Variants in DST observed in about 807,000 individuals in gnomAD.
DST encodes the protein dystonin, also known as bullous pemphigoid antigen.
DST carries 253 observed loss-of-function variants against 875.2 expected under a neutral mutation model. That is an observed-to-expected ratio of 0.29 (90% CI 0.26 to 0.32). DST has a LOEUF of 0.32. Among genes scored for constraint, DST ranks in the 10% least tolerant of loss-of-function variants. The pLI is 1.00. For synonymous variants in DST, 3,124 were observed against 3,197.1 expected, an observed-to-expected ratio of 0.98 and a Z score of 0.77; for missense variants, 8,287 against 9,111.6, an observed-to-expected ratio of 0.91 and a Z score of 3.68.
rs1373103013 is a variant in DST, at chr6:56,529,617, C to G, written c.17426G>C (p.Ser5809Thr). The G allele has an allele frequency of 6.2e-7, 1 of 1,613,672 alleles. No homozygotes were observed. Among genetic ancestry groups the G allele is most frequent in the Non-Finnish European group, 8.5e-7 (1 of 1,179,788 alleles). ...CTGGAGGAGCTCAGACCTGCTGTGA[C>G]TTTTCTCTTGAATCTCAATGTACCA... The part of the protein sequence containing the change: ...QVWYIEIQEK[S>T]HSRSELLQQA... The change falls in exon 66 of 104, where the codon AGT (serine) becomes ACT (threonine). Residue 5809 changes from serine to threonine, a missense_variant. By Grantham distance (58) the Ser-to-Thr change is moderately conservative. Coordinates refer to ENST00000680361, the MANE Select transcript of DST (RefSeq NM_001374736.1).
chr6:56,466,353 T>C (rs2094575453), intron 98 of DST, 158 bp from the exon 99 acceptor site: 3 of 452,542 alleles, frequency 6.6e-6, no homozygotes, highest in Non-Finnish European at 1.2e-5. Flanking sequence ...TAATGATTTG[T>C]GTTAGACGGC....
At chr6:56,465,876 A>G (rs2094556473) in intron 99 of DST, among the ~76,000 whole-genome samples, 1 of 151,684 alleles carries the variant, frequency 6.6e-6, no homozygotes, top group East Asian at 1.9e-4. Context: ...GTAAAAAAAA[A>G]AAAAAAAAAG....
At chr6:56,649,986 C>T (rs748637924) in intron 12 of DST, among the ~76,000 whole-genome samples, 36 of 152,086 alleles carry the variant, frequency 2.4e-4, no homozygotes, top group Non-Finnish European at 1.8e-4. Flanking sequence ...CATTCTGAAG[C>T]AACGCTCAAC....
chr6:56,620,835 A>C (rs2098684577), intron 36 of DST: 6 of 875,540 alleles, frequency 6.9e-6, no homozygotes, highest in Admixed American at 5.7e-5. Context: ...AACAAGCGCT[A>C]TCACCACCAC....
chr6:56,523,554 G>T (rs942935638), intron 69 of DST, among the ~76,000 whole-genome samples: 1 of 152,040 alleles, frequency 6.6e-6, no homozygotes, highest in African/African-American at 2.4e-5. Context: ...ATTGTGGCTT[G>T]ACAGTTCACA....
chr6:56,570,050 AAAG>A (rs1458594493), intron 53 of DST, 38 bp from the exon 54 acceptor site: 3 of 1,374,742 alleles, frequency 2.2e-6, no homozygotes, highest in Middle Eastern at 2.2e-4. Flanking sequence ...TAAGTCACAG[AAAG>A]AAGAATAAAT....
intron 9 of DST, chr6:56,692,937 C>A (rs1160691569): frequency 1.6e-6 from 2 of 1,289,770 alleles, no homozygotes; most frequent in East Asian, 1.1e-4. Context: ...AAGGAGCTGG[C>A]TGTTCTTTTG....
chr6:56,619,999 T>A, intron 36 of DST: 1 of 1,614,144 alleles, frequency 6.2e-7, no homozygotes, highest in Non-Finnish European at 8.5e-7. Flanking sequence ...CTGCCCTGCA[T>A]GATGTAGCCT....
At chr6:56,584,007 A>T (rs1436148443) in intron 49 of DST, among the ~76,000 whole-genome samples, 5 of 152,242 alleles carry the variant, frequency 3.3e-5, no homozygotes, top group East Asian at 1.9e-4. Context: ...CTTGTAGTAT[A>T]GTTTGAAGTC....
At chr6:56,634,763 A>G in intron 25 of DST, 38 bp downstream of exon 25, 4 of 1,609,444 alleles carry the variant, frequency 2.5e-6, no homozygotes, top group Non-Finnish European at 3.4e-6. Context: ...TATATGAATA[A>G]TGACAGAAAC....
intron 4 of DST, among the ~76,000 whole-genome samples, chr6:56,823,049 T>C (rs2099774978): frequency 6.6e-6 from 1 of 152,098 alleles, no homozygotes. Context: ...GCCAGGCTGG[T>C]GTCCAACTCC....
At chr6:56,887,114 C>T (rs933016029) in intron 3 of DST, among the ~76,000 whole-genome samples, 3 of 152,196 alleles carry the variant, frequency 2.0e-5, no homozygotes, top group East Asian at 3.8e-4. Flanking sequence ...GTACAATTAA[C>T]TTGCTGCTAA....
At chr6:56,484,532 GAAGA>G (rs1413884050) in intron 88 of DST, 6 of 152,084 alleles carry the variant, frequency 3.9e-5, no homozygotes, top group African/African-American at 1.4e-4. Flanking sequence ...ATACTAGAGA[GAAGA>G]AATACAAGAT....
chr6:56,779,167 C>T (rs1276877171), intron 4 of DST, among the ~76,000 whole-genome samples: 1 of 152,056 alleles, frequency 6.6e-6, no homozygotes, highest in African/African-American at 2.4e-5. Flanking sequence ...TGTCTTTTGG[C>T]TGCATAAACG....
intron 4 of DST, among the ~76,000 whole-genome samples, chr6:56,804,230 T>A (rs1225238046): frequency 1.3e-5 from 2 of 152,116 alleles, no homozygotes; most frequent in Admixed American, 1.3e-4. Flanking sequence ...ATCAGAGAGA[T>A]CATCTGTGAC....
chr6:56,820,870 G>A (rs2153046685), intron 4 of DST, among the ~76,000 whole-genome samples: 2 of 152,034 alleles, frequency 1.3e-5, no homozygotes, highest in Middle Eastern at 6.8e-3. Context: ...ACGTTGCTGT[G>A]TATACAAACT....
intron 10 of DST, among the ~76,000 whole-genome samples, chr6:56,662,243 G>A (rs1160884178): frequency 1.3e-5 from 2 of 152,108 alleles, no homozygotes; most frequent in Non-Finnish European, 2.9e-5. Context: ...TCAGAAGTAC[G>A]TCTCAAAATT....
intron 101 of DST, 150 bp from the exon 102 acceptor site, chr6:56,463,306 C>A (rs1259155134): frequency 3.2e-6 from 2 of 615,726 alleles, no homozygotes; most frequent in East Asian, 2.8e-5. Flanking sequence ...ATCATACACA[C>A]CAAAAAAATG....
intron 9 of DST, among the ~76,000 whole-genome samples, chr6:56,677,810 T>C (rs2099137956): frequency 6.6e-6 from 1 of 152,208 alleles, no homozygotes; most frequent in Non-Finnish European, 1.5e-5. Flanking sequence ...TGCCCATATT[T>C]GATCTGGGCT....
Sources: allele counts gnomAD v4.1 joint callset (sites outside exome capture counted in the v4.1 genomes callset), GRCh38; gene constraint gnomAD v4.1.1; transcripts MANE v1.5; gene names NCBI Gene and HGNC (gene_info 2026-07-23, HGNC 2026-07-21).